MCFD2: variants seen among roughly 807,000 people sequenced by gnomAD.
MCFD2 encodes multiple coagulation factor deficiency 2, ER cargo receptor complex subunit, also known as multiple coagulation factor deficiency protein 2.
MCFD2 carries 11 observed loss-of-function variants against 12.8 expected under a neutral mutation model. That is an observed-to-expected ratio of 0.86 (90% CI 0.54 to 1.42). The LOEUF (loss-of-function observed/expected upper bound fraction) is 1.42, where lower values mean the gene tolerates loss of function less well. Ranked by LOEUF, MCFD2 falls within the 40% of genes most tolerant of loss-of-function variation. MCFD2 has a pLI of 0.00. For synonymous variants in MCFD2, 70 were observed against 68.1 expected (o/e 1.03, Z -0.14); for missense variants, 191 against 178.6 (o/e 1.07, Z -0.40).
At position 46,905,601 on chromosome 2, in the gene MCFD2, A is replaced by G. The variant is rs754056638; in HGVS notation, c.310-7T>C. The G allele has an allele frequency of 1.1e-5, 17 of 1,613,598 alleles. No individual in the cohort carries two copies. The Middle Eastern group carries it at 8.2e-4, about 78-fold the overall frequency. On this transcript the variant is annotated splice_polypyrimidine_tract_variant and splice_region_variant and intron_variant, in intron 3 of 3. Transcript: ENST00000319466. ...GTGCCTGTTCACTCCCTTCCTACAAAATACAAATTAGACAATGATGAGTTG... is the reference window on the plus strand; with the variant it reads ...GTGCCTGTTCACTCCCTTCCTACAAGATACAAATTAGACAATGATGAGTTG...
upstream of MCFD2, chr2:46,917,102 C>G (rs1027767486): frequency 5.7e-5 from 39 of 688,370 alleles, no homozygotes; most frequent in Non-Finnish European, 9.4e-5. Context: ...TTCCTTTTCC[C>G]ACCTTCATCT....
In MCFD2 at chr2:46,902,588, GAA is replaced by G. The variant is rs1262485984; in HGVS notation, c.*2873_*2874del. 1 of 152,662 alleles carries G rather than the reference GAA, an allele frequency of 6.6e-6. No individual in the cohort carries two copies. The highest frequency in any genetic ancestry group is 1.9e-4 in the East Asian group (1 of 5,206). The allele number at this position is 152,662 out of a possible 1,614,324, so 9.5% of individuals were successfully genotyped here. A position where few individuals can be genotyped will look rare whatever the true frequency, so the allele number is the denominator to read the frequency against. On this transcript the variant is annotated 3_prime_UTR_variant, in exon 4 of 4. Coordinates refer to ENST00000319466, the MANE Select transcript of MCFD2 (RefSeq NM_139279.6). Reference sequence around the variant, plus strand: ...TAGTTGTATAAAATACTGAAAATCTGAAAGAGTCATCACTTAAGCCAGTAGTG... The same window carrying G: ...TAGTTGTATAAAATACTGAAAATCTGAGAGTCATCACTTAAGCCAGTAGTG...
intron 1 of MCFD2, among the ~76,000 whole-genome samples, chr2:46,938,487 TA>T (rs1352194083): frequency 2.6e-5 from 4 of 152,198 alleles, no homozygotes; most frequent in Admixed American, 2.6e-4. Context: ...TATACTTTAA[TA>T]ACTTAATAGC....
intron 1 of MCFD2, among the ~76,000 whole-genome samples, chr2:46,926,545 A>C (rs1669393150): frequency 6.6e-6 from 1 of 152,208 alleles, no homozygotes; most frequent in Non-Finnish European, 1.5e-5. Flanking sequence ...CCACAGCCGA[A>C]TGTCAATTGG....
At chr2:46,928,260 A>T (rs1194878890) in intron 1 of MCFD2, among the ~76,000 whole-genome samples, 1 of 151,848 alleles carries the variant, frequency 6.6e-6, no homozygotes, top group Non-Finnish European at 1.5e-5. Context: ...ACACCCATTT[A>T]TCATCTCACA....
At position 46,908,229 on chromosome 2, in the gene MCFD2, T is replaced by C; in HGVS notation, c.150-260A>G. ...ATTATTAGAATTTTGTTATAACATT[T>C]TCAGGCCATCAATTTAAAAATATGT... On this transcript the variant is annotated intron_variant, in intron 2 of 3. Transcript: ENST00000319466. The surrounding 1 kb of genome is among the most constrained non-coding windows in gnomAD (Gnocchi z 4.5). 1 of 529,142 alleles carries C rather than the reference T, an allele frequency of 1.9e-6. No individual in the cohort carries two copies. Among genetic ancestry groups the C allele is most frequent in the South Asian group, 2.1e-5 (1 of 47,450 alleles). The allele number at this position is 529,142 out of a possible 1,614,324, so 32.8% of individuals were successfully genotyped here. A position where few individuals can be genotyped will look rare whatever the true frequency, so the allele number is the denominator to read the frequency against.
chr2:46,933,898 A>T lies in MCFD2; in HGVS notation c.-8+7674T>A, dbSNP rs531556870. 7.2e-5 allele frequency among the ~76,000 whole-genome samples: 11 copies of T among 152,178 alleles called. No homozygotes were observed. The South Asian group carries it at 2.1e-3, about 29-fold the overall frequency. Reference sequence around the variant, plus strand: ...TGCTGGGAACACAGGGCTCTAAGGGACCCCACATGGTAAGTATGAAAGAAG... The same window carrying T: ...TGCTGGGAACACAGGGCTCTAAGGGTCCCCACATGGTAAGTATGAAAGAAG... On this transcript the variant is annotated intron_variant, in intron 1 of 2. Transcript: ENST00000409147.
chr2:46,921,571 T>C (rs1669104108), intron 1 of MCFD2, among the ~76,000 whole-genome samples: 1 of 152,350 alleles, frequency 6.6e-6, no homozygotes, highest in Middle Eastern at 3.4e-3. Context: ...ACAATAGTTA[T>C]CTTCATGCAA....
chr2:46,915,821 C>T, upstream of MCFD2: 2 of 197,334 alleles, frequency 1.0e-5, no homozygotes, highest in Non-Finnish European at 1.3e-5. Context: ...GCCCCCCCCC[C>T]CCCCCCGACC....
chr2:46,908,135 T>A lies in MCFD2; in HGVS notation c.150-166A>T. The A allele has an allele frequency of 1.4e-6, 1 of 738,116 alleles. No homozygotes were observed. The highest frequency in any genetic ancestry group is 2.3e-6 in the Non-Finnish European group (1 of 427,092). The allele number at this position is 738,116 out of a possible 1,614,324, so 45.7% of individuals were successfully genotyped here. Reference sequence around the variant, plus strand: ...GATTACACAGAGATAGACAAGGCCTTGAGAGGAGCAGGAAAAGTCAAATAG... The same window carrying A: ...GATTACACAGAGATAGACAAGGCCTAGAGAGGAGCAGGAAAAGTCAAATAG... On this transcript the variant is annotated intron_variant, in intron 2 of 3. Coordinates refer to ENST00000319466, the MANE Select transcript of MCFD2 (RefSeq NM_139279.6). This position sits in a 1 kb window ranked among gnomAD's most constrained non-coding sequence, Gnocchi z 4.5.
At chr2:46,910,360 A>G (rs1340904418) in intron 1 of MCFD2, among the ~76,000 whole-genome samples, 6 of 152,180 alleles carry the variant, frequency 3.9e-5, no homozygotes, top group Non-Finnish European at 7.3e-5. Flanking sequence ...ATACAAAAAC[A>G]AAAGACCTGA....
At position 46,939,758 on chromosome 2, in the gene MCFD2, C is replaced by G. The variant is rs542011682; in HGVS notation, c.-8+1814G>C. Among the ~76,000 whole-genome samples the G allele has an allele frequency of 2.3e-4, 35 of 152,338 alleles. 1 individual carries two copies. The South Asian group carries it at 4.4e-3, about 19-fold the overall frequency. ...CTCGGGTCACCCTAATCCAACCGCT[C>G]TCTCCAAGTGAAATCCGGTTCTGGT... On this transcript the variant is annotated intron_variant, in intron 1 of 2. Transcript: ENST00000409147.
chr2:46,902,145 A>G lies in MCFD2; in HGVS notation c.*3318T>C, dbSNP rs8861. On this transcript the variant is annotated 3_prime_UTR_variant, in exon 4 of 4. Transcript: ENST00000319466. ...TATTACAGAACGTCCATCACATCCA[A>G]TAAACCAAATTACAATCTGCTGCTT... The G allele has an allele frequency of 0.059, 8,965 of 152,726 alleles. 455 individuals are homozygous for G. Among genetic ancestry groups the G allele is most frequent in the African/African-American group, 0.12 (5,170 of 41,572 alleles). 9.5% of individuals were successfully genotyped at this position (152,726 alleles called of 1,614,324 possible). A position where few individuals can be genotyped will look rare whatever the true frequency, so the allele number is the denominator to read the frequency against.
At position 46,908,984 on chromosome 2, in the gene MCFD2, G is replaced by T. The variant is rs1479644335; in HGVS notation, c.149+39C>A. 1 of 1,613,674 alleles carries T rather than the reference G, an allele frequency of 6.2e-7. No homozygotes were observed. The highest frequency in any genetic ancestry group is 1.3e-5 in the African/African-American group (1 of 74,914). Reference sequence around the variant, plus strand: ...TGCCGCTGGCTCAGCTGCAGATGATGGGGAGGCCACTGGACCACAGCCCGG... The same window carrying T: ...TGCCGCTGGCTCAGCTGCAGATGATTGGGAGGCCACTGGACCACAGCCCGG... On this transcript the variant is annotated intron_variant, in intron 2 of 3. Transcript: ENST00000319466. The surrounding 1 kb of genome is among the most constrained non-coding windows in gnomAD (Gnocchi z 4.5).
rs886193020 is a variant in MCFD2, at chr2:46,905,397, C to T, written c.*66G>A. 4 of 1,577,372 alleles carry T rather than the reference C, an allele frequency of 2.5e-6. No homozygotes were observed. Among genetic ancestry groups the T allele is most frequent in the Non-Finnish European group, 3.5e-6 (4 of 1,149,074 alleles). On this transcript the variant is annotated 3_prime_UTR_variant, in exon 4 of 4. Coordinates refer to ENST00000319466, the MANE Select transcript of MCFD2 (RefSeq NM_139279.6). ...GTTGGAAATGAGTTATTTTGCATTA[C>T]TAAAGTGTTCAATCACATTATCACG...
chr2:46,928,567 C>T (rs568721350), intron 1 of MCFD2, among the ~76,000 whole-genome samples: 3 of 151,010 alleles, frequency 2.0e-5, no homozygotes, highest in East Asian at 3.9e-4. Context: ...CTCAGGAGTT[C>T]GAGACCAACC....
At chr2:46,909,262 A>G (rs1414502280) in intron 1 of MCFD2, 85 bp from the exon 2 acceptor site, 6 of 1,452,264 alleles carry the variant, frequency 4.1e-6, no homozygotes, top group Admixed American at 2.0e-5. Flanking sequence ...GATCCTGGGA[A>G]ACCTGATGAA....
At chr2:46,916,380 A>G (rs1668791270), upstream of MCFD2, 1 of 156,124 alleles carries the variant, frequency 6.4e-6, no homozygotes, top group Non-Finnish European at 1.4e-5. Flanking sequence ...AGTCCCAGCA[A>G]GACTATGCGA....
At chr2:46,933,152 G>A (rs1029627938) in intron 1 of MCFD2, among the ~76,000 whole-genome samples, 8 of 152,118 alleles carry the variant, frequency 5.3e-5, no homozygotes, top group Non-Finnish European at 1.2e-4. Flanking sequence ...CTCTGGAGAG[G>A]GGCCCATTGT....
Sources: gnomAD v4.1 joint callset for allele counts (sites outside exome capture counted in the v4.1 genomes callset) on GRCh38, gnomAD v4.1.1 for gene constraint, Gnocchi (gnomAD v3.1) non-coding constraint, MANE v1.5 for transcripts, NCBI Gene and HGNC (gene_info 2026-07-23, HGNC 2026-07-21) for gene names.